NLGN1: variants seen among roughly 807,000 people sequenced by gnomAD.
NLGN1 encodes the protein neuroligin 1.
Under a neutral mutation model 65.5 loss-of-function variants are expected in NLGN1, and 12 were observed. The observed-to-expected ratio is 0.18, with a 90% CI of 0.12 to 0.30. NLGN1 has a LOEUF of 0.30. Among genes scored for constraint, NLGN1 ranks in the 10% least tolerant of loss-of-function variants. NLGN1 has a pLI of 1.00. For missense variants in NLGN1, 750 were observed against 1,007.1 expected, an observed-to-expected ratio of 0.74 and a Z score of 3.46; for synonymous variants, 350 against 359.5, an observed-to-expected ratio of 0.97 and a Z score of 0.30.
At chr3:173,530,544 A>G (rs1027892226) in intron 2 of NLGN1, among the ~76,000 whole-genome samples, 1 of 152,224 alleles carries the variant, frequency 6.6e-6, no homozygotes, top group African/African-American at 2.4e-5. Flanking sequence ...TAAATTACTT[A>G]CAGATATTTA....
chr3:173,551,954 A>G (rs1283946905), intron 2 of NLGN1, among the ~76,000 whole-genome samples: 1 of 152,242 alleles, frequency 6.6e-6, no homozygotes, highest in African/African-American at 2.4e-5. Flanking sequence ...ATAGTAGGAA[A>G]CTAAGTAAAA....
At chr3:173,668,945 G>A (rs546571830) in intron 3 of NLGN1, among the ~76,000 whole-genome samples, 3 of 152,108 alleles carry the variant, frequency 2.0e-5, no homozygotes, top group South Asian at 2.1e-4. Flanking sequence ...CTTTAATATG[G>A]GAATACTAAT....
At chr3:174,094,163 CTGTT>C (rs1242080180) in intron 4 of NLGN1, among the ~76,000 whole-genome samples, 1 of 152,110 alleles carries the variant, frequency 6.6e-6, no homozygotes, top group Non-Finnish European at 1.5e-5. Flanking sequence ...TTTTCTTAAA[CTGTT>C]TATTTACTTT....
At chr3:173,568,924 G>A (rs1355876367) in intron 2 of NLGN1, among the ~76,000 whole-genome samples, 5 of 151,828 alleles carry the variant, frequency 3.3e-5, no homozygotes, top group Admixed American at 2.6e-4. Context: ...GTGATCCACC[G>A]GGCTCGGCCT....
intron 4 of NLGN1, among the ~76,000 whole-genome samples, chr3:174,100,273 T>A (rs1456513147): frequency 7.1e-6 from 1 of 140,598 alleles, no homozygotes; most frequent in Non-Finnish European, 1.5e-5. Flanking sequence ...TAAATACCTA[T>A]GGTAAAAAAA....
intron 4 of NLGN1, among the ~76,000 whole-genome samples, chr3:174,050,327 T>C (rs1734537215): frequency 6.6e-6 from 1 of 152,066 alleles, no homozygotes; most frequent in East Asian, 1.9e-4. Flanking sequence ...TAGGATCATG[T>C]TTTTACTTGG....
intron 3 of NLGN1, among the ~76,000 whole-genome samples, chr3:173,802,581 G>A (rs1189555192): frequency 6.6e-6 from 1 of 152,150 alleles, no homozygotes; most frequent in Middle Eastern, 3.2e-3. Context: ...AGATGTGACT[G>A]TGAATAAAAA....
chr3:173,513,943 G>C (rs561717382), intron 2 of NLGN1, among the ~76,000 whole-genome samples: 2 of 152,234 alleles, frequency 1.3e-5, no homozygotes, highest in Admixed American at 6.5e-5. Flanking sequence ...CAGTAGAATC[G>C]TTTGAACCCA....
At chr3:174,203,726 A>G (rs1734918939) in intron 4 of NLGN1, among the ~76,000 whole-genome samples, 1 of 152,210 alleles carries the variant, frequency 6.6e-6, no homozygotes, top group African/African-American at 2.4e-5. Context: ...TAGCTCATAA[A>G]GCAGGATCTT....
At chr3:173,619,083 A>G (rs868794661) in intron 3 of NLGN1, among the ~76,000 whole-genome samples, 2 of 152,124 alleles carry the variant, frequency 1.3e-5, no homozygotes, top group Middle Eastern at 3.2e-3. Context: ...ACTGGATCCT[A>G]CGAATTATTT....
chr3:174,030,920 A>C (rs981228874), intron 4 of NLGN1, among the ~76,000 whole-genome samples: 2 of 152,202 alleles, frequency 1.3e-5, no homozygotes, highest in Non-Finnish European at 2.9e-5. Context: ...AACTCTTTAG[A>C]TTCATGTTAA....
chr3:173,987,015 A>T (rs1720097507), intron 4 of NLGN1, among the ~76,000 whole-genome samples: 1 of 152,242 alleles, frequency 6.6e-6, no homozygotes, highest in African/African-American at 2.4e-5. Flanking sequence ...ATTTGGAAAG[A>T]TAAAAGGCAA....
chr3:173,520,846 A>G (rs1485092198), intron 2 of NLGN1, among the ~76,000 whole-genome samples: 2 of 152,244 alleles, frequency 1.3e-5, no homozygotes, highest in African/African-American at 4.8e-5. Context: ...TATAACTAGA[A>G]TTATTGAATA....
intron 4 of NLGN1, among the ~76,000 whole-genome samples, chr3:173,856,660 T>C (rs1328574077): frequency 1.3e-5 from 2 of 152,024 alleles, no homozygotes; most frequent in African/African-American, 4.8e-5. Context: ...AACGGAAAGG[T>C]TGATGATCTT....
At chr3:173,932,298 T>G (rs919002890) in intron 4 of NLGN1, among the ~76,000 whole-genome samples, 1 of 152,168 alleles carries the variant, frequency 6.6e-6, no homozygotes, top group African/African-American at 2.4e-5. Flanking sequence ...AGTTTTCAGT[T>G]TTTTCCTTAA....
intron 3 of NLGN1, among the ~76,000 whole-genome samples, chr3:173,784,096 A>G (rs1386624726): frequency 6.6e-6 from 1 of 152,198 alleles, no homozygotes; most frequent in African/African-American, 2.4e-5. Context: ...AGCACTGATT[A>G]TGTGCCAGGT....
At chr3:174,236,307 A>G (rs1388705893) in intron 4 of NLGN1, among the ~76,000 whole-genome samples, 2 of 152,218 alleles carry the variant, frequency 1.3e-5, no homozygotes, top group South Asian at 2.1e-4. Flanking sequence ...CTATGCCTAT[A>G]TATATTTTTT....
intron 2 of NLGN1, among the ~76,000 whole-genome samples, chr3:173,469,142 T>C (rs529484358): frequency 6.6e-6 from 1 of 152,304 alleles, no homozygotes; most frequent in Non-Finnish European, 1.5e-5. Context: ...TTGATACTTC[T>C]TGTAAAGCCT....
At chr3:173,445,020 G>A (rs1719924683) in intron 2 of NLGN1, among the ~76,000 whole-genome samples, 1 of 151,186 alleles carries the variant, frequency 6.6e-6, no homozygotes, top group East Asian at 1.9e-4. Flanking sequence ...TGTAATCCCA[G>A]CACTTTGGGA....
Sources: allele counts gnomAD v4.1 joint callset (sites outside exome capture counted in the v4.1 genomes callset), GRCh38; gene constraint gnomAD v4.1.1; transcripts MANE v1.5; gene names NCBI Gene and HGNC (gene_info 2026-07-23, HGNC 2026-07-21).